Variants in EZH2 observed in about 807,000 individuals in gnomAD.
EZH2 encodes the protein enhancer of zeste 2 polycomb repressive complex 2 subunit.
EZH2 carries 18 observed loss-of-function variants against 98.4 expected under a neutral mutation model. That is an observed-to-expected ratio of 0.18 (90% CI 0.13 to 0.27). The LOEUF (loss-of-function observed/expected upper bound fraction) is 0.27. Among genes scored for constraint, EZH2 ranks in the 10% least tolerant of loss-of-function variants. EZH2 has a pLI of 1.00. For synonymous variants in EZH2, 338 were observed against 312.3 expected (o/e 1.08, Z -0.87); for missense variants, 470 against 935.1 (o/e 0.50, Z 6.49).
chr7:148,883,354 A>G (rs915670223), intron 1 of EZH2: 27 of 152,320 alleles, frequency 1.8e-4, no homozygotes, highest in African/African-American at 5.8e-4. Context: ...ATCAATAGAG[A>G]GCAGAGCAGC....
Position 148,828,909 on chromosome 7 carries a change from C to T in EZH2, c.485-29G>A, listed in dbSNP as rs1243169215. ...AAACGCATCAAATGTCAGAAACACA[C>T]AGGAGAAGCAATAATGTCAAAAGTT... On this transcript the variant is annotated intron_variant, in intron 5 of 19. Coordinates refer to ENST00000320356, the MANE Select transcript of EZH2 (RefSeq NM_004456.5). The T allele has an allele frequency of 2.5e-6, 4 of 1,574,992 alleles. No individual in the cohort carries two copies. In the African/African-American group the frequency reaches 4.1e-5, roughly 16 times the overall value.
In EZH2 at chr7:148,844,073, C is replaced by T. The variant is rs182878165; in HGVS notation, c.246+2397G>A. On this transcript the variant is annotated intron_variant, in intron 3 of 19. Coordinates refer to ENST00000320356, the MANE Select transcript of EZH2 (RefSeq NM_004456.5). ...CAAATGTTGAATGCTATAGACTTTA[C>T]GTGTTTGAATCAATACTGCAGTCTG... 1.5e-3 allele frequency among the ~76,000 whole-genome samples: 222 copies of T among 145,234 alleles called. 9 individuals are homozygous for T. In the East Asian group the frequency reaches 0.038, roughly 25 times the overall value.
intron 19 of EZH2, 135 bp downstream of exon 19, chr7:148,808,936 C>A: frequency 1.5e-6 from 1 of 651,598 alleles, no homozygotes. Flanking sequence ...GAAAGTGTAA[C>A]CTAATTCCCC....
intron 8 of EZH2, among the ~76,000 whole-genome samples, chr7:148,822,147 A>G (rs1806297961): frequency 2.2e-5 from 3 of 138,038 alleles, no homozygotes; most frequent in Non-Finnish European, 5.1e-5. Flanking sequence ...AACATACTAG[A>G]AAAAGTGAGA....
intron 1 of EZH2, among the ~76,000 whole-genome samples, chr7:148,863,672 C>CA (rs557052628): frequency 4.6e-5 from 7 of 151,338 alleles, no homozygotes; most frequent in Non-Finnish European, 1.0e-4. Context: ...ATTGTTTTTT[C>CA]AAAAAAAGAA....
chr7:148,877,679 A>C (rs571882173), intron 1 of EZH2, among the ~76,000 whole-genome samples: 12 of 152,110 alleles, frequency 7.9e-5, no homozygotes, highest in African/African-American at 2.9e-4. Context: ...TTAGAACTCT[A>C]CTCTCCTCCC....
chr7:148,813,870 C>T (rs1381071243), intron 15 of EZH2, 89 bp downstream of exon 15: 22 of 1,360,806 alleles, frequency 1.6e-5, no homozygotes, highest in Non-Finnish European at 2.0e-5. Context: ...TTACTTTTTG[C>T]CCCAGCTAAA....
Position 148,810,373 on chromosome 7 carries a change from A to G in EZH2, c.1989T>C (p.Tyr663=). The change falls in exon 17 of 20, where the codon TAT becomes TAC. Residue 663 remains tyrosine (Y), a synonymous_variant. Coordinates refer to ENST00000320356, the MANE Select transcript of EZH2 (RefSeq NM_004456.5). ...QDEADRRGKV[Y]DKYMCSFLFN... The stretch of plus-strand genomic sequence containing the variant: ...ACAGAAAGCTGCACATGTATTTATC[A>G]TACACTTTCCCTCTTCTGTCAGCTT... 6.2e-7 allele frequency: 1 copy of G among 1,611,692 alleles called. No individual in the cohort carries two copies.
At chr7:148,850,467 T>C (rs762439666) in intron 1 of EZH2, 6 of 967,038 alleles carry the variant, frequency 6.2e-6, no homozygotes, top group Non-Finnish European at 7.4e-6. Context: ...ATAAAGTATA[T>C]CATGAAAATC....
At chr7:148,833,398 A>G (rs1809949343) in intron 3 of EZH2, among the ~76,000 whole-genome samples, 1 of 151,642 alleles carries the variant, frequency 6.6e-6, no homozygotes, top group South Asian at 2.1e-4. Flanking sequence ...CGGAGCTTGC[A>G]GTGAGTCGAG....
chr7:148,866,539 T>C (rs1384711053), intron 1 of EZH2, among the ~76,000 whole-genome samples: 1 of 99,364 alleles, frequency 1.0e-5, no homozygotes, highest in Non-Finnish European at 2.0e-5. Flanking sequence ...TATATATACG[T>C]ATATACATAT....
intron 3 of EZH2, among the ~76,000 whole-genome samples, chr7:148,834,219 C>T (rs1440930186): frequency 6.6e-6 from 1 of 152,070 alleles, no homozygotes. Flanking sequence ...AAGAGTACTA[C>T]TGCCCAGGTG....
At chr7:148,817,171 T>A in intron 11 of EZH2, 51 bp downstream of exon 11, 1 of 1,545,444 alleles carries the variant, frequency 6.5e-7, no homozygotes, top group East Asian at 2.3e-5. Flanking sequence ...GAGTACAGTT[T>A]TATCTCTATG....
Position 148,866,869 on chromosome 7 carries a change from C to T in EZH2, c.-8+17295G>A, listed in dbSNP as rs149535115. Among the ~76,000 whole-genome samples the T allele has an allele frequency of 3.4e-3, 507 of 149,660 alleles. 5 individuals carry two copies. The East Asian group carries it at 0.047, about 14-fold the overall frequency. ...AGCTGAGACTACAGGTGCACATCAA[C>T]GCACCCGGCTAATTTTTATTTTTTG... On this transcript the variant is annotated intron_variant, in intron 1 of 19. Transcript: ENST00000320356.
At chr7:148,846,305 T>C (rs1221331061) in intron 3 of EZH2, among the ~76,000 whole-genome samples, 165 bp downstream of exon 3, 1 of 152,156 alleles carries the variant, frequency 6.6e-6, no homozygotes, top group African/African-American at 2.4e-5. Context: ...GAATAGCTAA[T>C]AGTGTGATCT....
chr7:148,831,902 G>C (rs755377028), intron 4 of EZH2, among the ~76,000 whole-genome samples: 1 of 152,168 alleles, frequency 6.6e-6, no homozygotes, highest in African/African-American at 2.4e-5. Flanking sequence ...TGCTGCGTCA[G>C]AGTTAGCAAT....
chr7:148,818,233 T>A, intron 9 of EZH2, 116 bp from the exon 10 acceptor site: 3 of 1,070,824 alleles, frequency 2.8e-6, no homozygotes, highest in Admixed American at 5.4e-5. Flanking sequence ...ATTATCCATT[T>A]ATCACAAATA....
At chr7:148,866,735 G>A (rs1352274558) in intron 1 of EZH2, among the ~76,000 whole-genome samples, 1 of 148,038 alleles carries the variant, frequency 6.8e-6, no homozygotes, top group East Asian at 2.0e-4. Context: ...CCTTTTGTGA[G>A]ACAGGGTCTC....
intron 1 of EZH2, among the ~76,000 whole-genome samples, chr7:148,848,536 G>A (rs965350293): frequency 3.3e-5 from 5 of 152,274 alleles, no homozygotes; most frequent in African/African-American, 1.2e-4. Flanking sequence ...TTTAGAGTAA[G>A]AGTCCTGAGG....
Sources: gnomAD v4.1 joint callset for allele counts (sites outside exome capture counted in the v4.1 genomes callset) on GRCh38, gnomAD v4.1.1 for gene constraint, MANE v1.5 for transcripts, NCBI Gene and HGNC (gene_info 2026-07-23, HGNC 2026-07-21) for gene names.